Variants in FKBP6 observed in about 807,000 individuals in gnomAD.
FKBP6 encodes FKBP prolyl isomerase family member 6 (inactive).
FKBP6 carries 29 observed loss-of-function variants against 41.7 expected under a neutral mutation model. That is an observed-to-expected ratio of 0.70 (90% confidence interval 0.52 to 0.95). The LOEUF is 0.95. Ranked by LOEUF, FKBP6 falls within the 40% of genes least tolerant of loss-of-function variation. The probability of loss-of-function intolerance (pLI) is 0.00; values close to 1 mark genes in which losing one functional copy is unlikely to be tolerated. For missense variants in FKBP6, 338 were observed against 408.7 expected (o/e 0.83, Z 1.49); for synonymous variants, 130 against 165.1 (o/e 0.79, Z 1.63).
At chr7:73,339,446 T>G (rs1554549062) in intron 5 of FKBP6, among the ~76,000 whole-genome samples, 1 of 152,230 alleles carries the variant, frequency 6.6e-6, no homozygotes, top group Non-Finnish European at 1.5e-5. Context: ...TCTGTCCTTA[T>G]GCCGGTGCTA....
At chr7:73,345,834 T>A (rs2115927291) in intron 8 of FKBP6, among the ~76,000 whole-genome samples, 1 of 152,198 alleles carries the variant, frequency 6.6e-6, no homozygotes, top group East Asian at 1.9e-4. Flanking sequence ...TGACTGCTTT[T>A]GGGGAAACAT....
intron 8 of FKBP6, 104 bp downstream of exon 8, chr7:73,343,003 A>C: frequency 2.4e-6 from 2 of 816,542 alleles, no homozygotes; most frequent in Non-Finnish European, 4.3e-6. Context: ...AGGGTGGACG[A>C]GGGGTAGACA....
rs535712546 is a variant in FKBP6, at chr7:73,339,736, C to T, written c.589-902C>T. On this transcript the variant is annotated intron_variant, in intron 5 of 8. Coordinates refer to ENST00000252037, the MANE Select transcript of FKBP6 (RefSeq NM_003602.5). Reference sequence around the variant, plus strand: ...TCAAGTGATTCTCCTGCCTCAGCCTCCAATGTAGCTGGAATTACAGGCACC... The same window carrying T: ...TCAAGTGATTCTCCTGCCTCAGCCTTCAATGTAGCTGGAATTACAGGCACC... Among the ~76,000 whole-genome samples, 252 of 151,922 alleles carry T rather than the reference C, an allele frequency of 1.7e-3. 2 individuals are homozygous for T. The highest frequency in any genetic ancestry group is 3.2e-3 in the Non-Finnish European group (219 of 67,964).
chr7:73,328,215 C>T lies in FKBP6; in HGVS notation c.-214C>T. 3 of 1,549,004 alleles carry T rather than the reference C, an allele frequency of 1.9e-6. No homozygotes were observed. Among genetic ancestry groups the T allele is most frequent in the African/African-American group, 1.4e-5 (1 of 73,116 alleles). ...CATACCTCGCACCTCACCGCGTGGC[C>T]TCTGTAGTTCCAGAGCTCGCGAGGG... On this transcript the variant is annotated 5_prime_UTR_variant, in exon 1 of 9. Transcript: ENST00000252037.
rs1304924660 is a variant in FKBP6, at chr7:73,337,210, T to G, written c.589-3428T>G. 2.0e-5 allele frequency among the ~76,000 whole-genome samples: 3 copies of G among 152,044 alleles called. No individual in the cohort carries two copies. The East Asian group carries it at 5.8e-4, about 29-fold the overall frequency. ...AGTTGATGGGAACTTGCCTGGTGAA[T>G]GCCCAGAGTTTAGAGATGGAAGGGA... is the stretch of plus-strand genomic sequence containing the variant. On this transcript the variant is annotated intron_variant, in intron 5 of 8. Coordinates refer to ENST00000252037, the MANE Select transcript of FKBP6 (RefSeq NM_003602.5).
intron 2 of FKBP6, among the ~76,000 whole-genome samples, chr7:73,328,972 A>G (rs1224032608): frequency 7.2e-5 from 11 of 151,888 alleles, no homozygotes; most frequent in African/African-American, 2.7e-4. Flanking sequence ...TGCCCGGCTA[A>G]TTTTTAATAT....
chr7:73,348,741 C>T (rs1020894290), intron 8 of FKBP6, among the ~76,000 whole-genome samples: 3 of 152,198 alleles, frequency 2.0e-5, no homozygotes, highest in African/African-American at 7.2e-5. Context: ...TGGGTTGAGT[C>T]ATCTGGAATG....
intron 8 of FKBP6, among the ~76,000 whole-genome samples, chr7:73,350,090 C>G (rs1805448127): frequency 6.6e-6 from 1 of 152,194 alleles, no homozygotes; most frequent in African/African-American, 2.4e-5. Context: ...GACTATGTCA[C>G]AGTCCACCCC....
At chr7:73,350,110 G>A (rs147776214) in intron 8 of FKBP6, among the ~76,000 whole-genome samples, 1 of 152,080 alleles carries the variant, frequency 6.6e-6, no homozygotes, top group Admixed American at 6.6e-5. Flanking sequence ...CCTGCTGTCC[G>A]GCCACAGACC....
intron 5 of FKBP6, among the ~76,000 whole-genome samples, chr7:73,334,416 A>G (rs1309889761): frequency 9.5e-6 from 1 of 105,174 alleles, no homozygotes; most frequent in African/African-American, 3.8e-5. Flanking sequence ...CCTAGTTTCC[A>G]TCTTTTCTCC....
At chr7:73,329,967 T>C in intron 3 of FKBP6, 183 bp from the exon 4 acceptor site, 2 of 651,074 alleles carry the variant, frequency 3.1e-6, no homozygotes, top group Non-Finnish European at 5.5e-6. Flanking sequence ...GCCTGGAAGT[T>C]TGAATAAAAT....
rs112653665 is a variant in FKBP6 at position 73,348,354 on chromosome 7, C to T, written c.*2+5455C>T. 7.9e-3 allele frequency among the ~76,000 whole-genome samples: 1,202 copies of T among 152,252 alleles called. 8 individuals carry two copies. The highest frequency in any genetic ancestry group is 0.014 in the Non-Finnish European group (931 of 68,028). On this transcript the variant is annotated intron_variant, in intron 8 of 8. Coordinates refer to ENST00000252037, the MANE Select transcript of FKBP6 (RefSeq NM_003602.5). ...CATAACGAATAATACTAAGATTCCC[C>T]GATGTGCTCAACGTCTGGCTTTAAC...
intron 8 of FKBP6, among the ~76,000 whole-genome samples, chr7:73,348,712 G>A (rs12534600): frequency 0.12 from 18,997 of 152,168 alleles, 1,317 homozygotes; most frequent in Middle Eastern, 0.18. Context: ...TACATCAGAG[G>A]TTCCCATACC....
At chr7:73,331,432 T>C (rs1554547660) in intron 4 of FKBP6, among the ~76,000 whole-genome samples, 1 of 152,202 alleles carries the variant, frequency 6.6e-6, no homozygotes, top group Non-Finnish European at 1.5e-5. Flanking sequence ...CAGAGGTGAC[T>C]CCAACACAGA....
chr7:73,356,148 T>A lies in FKBP6; in HGVS notation c.*3-2033T>A, dbSNP rs531997169. On this transcript the variant is annotated intron_variant, in intron 8 of 8. Transcript: ENST00000252037. ...GAATTATACATTTTGTACTAGAATATATTTTTATTGCATTTTGAGTGTTTT... is the reference window on the plus strand; with the variant it reads ...GAATTATACATTTTGTACTAGAATAAATTTTTATTGCATTTTGAGTGTTTT... Among the ~76,000 whole-genome samples the A allele has an allele frequency of 1.2e-3, 175 of 151,232 alleles. 11 individuals are homozygous for A. The highest frequency in any genetic ancestry group is 1.9e-3 in the South Asian group (9 of 4,808).
At chr7:73,344,467 A>G (rs1269395264) in intron 8 of FKBP6, among the ~76,000 whole-genome samples, 1 of 152,200 alleles carries the variant, frequency 6.6e-6, no homozygotes, top group African/African-American at 2.4e-5. Context: ...CAGTTGTGAT[A>G]AGTTTTAGCT....
intron 4 of FKBP6, among the ~76,000 whole-genome samples, chr7:73,331,372 A>C (rs1804835533): frequency 6.6e-6 from 1 of 152,202 alleles, no homozygotes; most frequent in South Asian, 2.1e-4. Context: ...TTCTGGCTCT[A>C]GGGTGTAAAA....
chr7:73,342,524 G>A (rs527260191), intron 7 of FKBP6, among the ~76,000 whole-genome samples: 6 of 152,332 alleles, frequency 3.9e-5, no homozygotes, highest in African/African-American at 9.6e-5. Flanking sequence ...GTGAGGGGTC[G>A]TTTGGCGAGA....
intron 8 of FKBP6, among the ~76,000 whole-genome samples, chr7:73,344,184 A>C (rs981173554): frequency 5.3e-5 from 8 of 152,200 alleles, no homozygotes; most frequent in Non-Finnish European, 5.9e-5. Flanking sequence ...CTGTTTGCCA[A>C]ACATTTTGGA....
Sources: allele counts gnomAD v4.1 joint callset (sites outside exome capture counted in the v4.1 genomes callset), GRCh38; gene constraint gnomAD v4.1.1; transcripts MANE v1.5; gene names NCBI Gene and HGNC (gene_info 2026-07-23, HGNC 2026-07-21).